Variants in WSCD1 observed in about 807,000 individuals in gnomAD.
WSCD1 encodes sialate:O-sulfotransferase 1.
A neutral mutation model predicts 60.4 loss-of-function variants in WSCD1; 41 were observed. That is an observed-to-expected ratio of 0.68 (90% CI 0.53 to 0.88). The LOEUF (loss-of-function observed/expected upper bound fraction) is 0.88. WSCD1 is among the 40% of genes least tolerant of loss of function. The pLI, the probability that WSCD1 is intolerant of heterozygous loss-of-function variation, is 0.00. For synonymous variants in WSCD1, 361 were observed against 332.5 expected, an observed-to-expected ratio of 1.09 and a Z score of -0.93; for missense variants, 784 against 796.2, an observed-to-expected ratio of 0.98 and a Z score of 0.18.
intron 2 of WSCD1, among the ~76,000 whole-genome samples, chr17:6,082,600 G>A (rs762700038): frequency 1.7e-4 from 26 of 152,224 alleles, no homozygotes; most frequent in Non-Finnish European, 3.5e-4. Flanking sequence ...CTCCCAGTAA[G>A]CGTGGAAGTT....
At chr17:6,085,527 C>G (rs7405465) in intron 2 of WSCD1, among the ~76,000 whole-genome samples, 117,643 of 152,022 alleles carry the variant, frequency 0.77, 46,219 homozygotes, top group East Asian at 0.95. Flanking sequence ...CACATCCCAG[C>G]TTGCACAGCC....
rs914304137 is a variant in WSCD1 at position 6,121,754 on chromosome 17, C to T, written c.*1093C>T. The T allele has an allele frequency of 5.0e-5, 3 of 60,178 alleles. No individual in the cohort carries two copies. Among genetic ancestry groups the T allele is most frequent in the Non-Finnish European group, 1.0e-4 (3 of 29,612 alleles). The allele number at this position is 60,178 out of a possible 1,614,324, so 3.7% of individuals were successfully genotyped here. On this transcript the variant is annotated 3_prime_UTR_variant, in exon 9 of 9. Transcript: ENST00000317744. ...GGGTCCCACACTGGGGTCATGAGAGCTAGTTAGTACTCAGCCTGACCCCTA... is the reference window on the plus strand; with the variant it reads ...GGGTCCCACACTGGGGTCATGAGAGTTAGTTAGTACTCAGCCTGACCCCTA...
intron 4 of WSCD1, among the ~76,000 whole-genome samples, chr17:6,094,636 C>T (rs144132316): frequency 0.011 from 1,265 of 117,864 alleles, 13 homozygotes; most frequent in Non-Finnish European, 0.017. Flanking sequence ...GTAGGCAGGC[C>T]GGCAGGAAGG....
In WSCD1 at chr17:6,085,517, C is replaced by T. The variant is rs60016863; in HGVS notation, c.428-2473C>T. Reference sequence around the variant, plus strand: ...GTTGAGGCTCAGAGAGAGGCAGCTGCACATCCCAGCTTGCACAGCCAGATA... The same window carrying T: ...GTTGAGGCTCAGAGAGAGGCAGCTGTACATCCCAGCTTGCACAGCCAGATA... On this transcript the variant is annotated intron_variant, in intron 2 of 8. Transcript: ENST00000317744. Among the ~76,000 whole-genome samples the T allele has an allele frequency of 7.3e-3, 1,118 of 152,230 alleles. 44 individuals carry two copies. In the East Asian group the frequency reaches 0.13, roughly 17 times the overall value.
At chr17:6,086,150 A>T (rs2150537394) in intron 2 of WSCD1, among the ~76,000 whole-genome samples, 1 of 150,496 alleles carries the variant, frequency 6.6e-6, no homozygotes, top group East Asian at 2.0e-4. Flanking sequence ...TGTGGTGGGG[A>T]GTCCTGTCTC....
At position 6,124,121 on chromosome 17, in the gene WSCD1, G is replaced by T. The variant is rs1337979420; in HGVS notation, c.*3460G>T. 1.3e-5 allele frequency: 2 copies of T among 152,242 alleles called. No homozygotes were observed. Among genetic ancestry groups the T allele is most frequent in the African/African-American group, 4.8e-5 (2 of 41,462 alleles). 9.4% of individuals were successfully genotyped at this position (152,242 alleles called of 1,614,324 possible). A position where few individuals can be genotyped will look rare whatever the true frequency, so the allele number is the denominator to read the frequency against. ...GACTGGGTTAGGTATGATCTTGTGA[G>T]TTAAGACAATGAAGCCAGAGGGAAT... On this transcript the variant is annotated 3_prime_UTR_variant, in exon 9 of 9. Coordinates refer to ENST00000317744, the MANE Select transcript of WSCD1 (RefSeq NM_015253.2).
At position 6,086,250 on chromosome 17, in the gene WSCD1, C is replaced by CATGTATATATATATATAT. The variant is rs1909633252; in HGVS notation, c.428-1738_428-1737insGTATATATATATATATAT. The stretch of plus-strand genomic sequence containing the variant: ...GCAGTCAGTAAGACCGTCCTGACTT[C>CATGTATATATATATATAT]ATATATATATATATATATATATATA... On this transcript the variant is annotated intron_variant, in intron 2 of 8. Coordinates refer to ENST00000317744, the MANE Select transcript of WSCD1 (RefSeq NM_015253.2). Among the ~76,000 whole-genome samples the CATGTATATATATATATAT allele has an allele frequency of 3.1e-5, 3 of 98,234 alleles. No homozygotes were observed. The South Asian group carries it at 1.0e-3, about 33-fold the overall frequency. 64.4% of individuals were successfully genotyped at this position (98,234 alleles called of 152,430 possible).
chr17:6,078,592 G>GTGCA (rs1402941894), intron 1 of WSCD1, among the ~76,000 whole-genome samples: 1 of 152,124 alleles, frequency 6.6e-6, no homozygotes, highest in Non-Finnish European at 1.5e-5. Flanking sequence ...GTGTGTGTGC[G>GTGCA]TGCATGCATG....
intron 7 of WSCD1, among the ~76,000 whole-genome samples, chr17:6,114,177 TAAATG>T (rs1911572617): frequency 7.0e-6 from 1 of 142,726 alleles, no homozygotes; most frequent in African/African-American, 2.6e-5. Context: ...AAAAAAGAAT[TAAATG>T]CTGTAATTCA....
rs115359806 is a variant in WSCD1 at position 6,078,723 on chromosome 17, C to A, written c.-288-1648C>A. On this transcript the variant is annotated intron_variant, in intron 1 of 8. Coordinates refer to ENST00000317744, the MANE Select transcript of WSCD1 (RefSeq NM_015253.2). ...AAGGAGCTTAGAGTTTATCCAGTAA[C>A]CACAGGGGGCTATTGAACGGGGTTT... Among the ~76,000 whole-genome samples the A allele has an allele frequency of 5.9e-3, 901 of 152,172 alleles. 9 individuals carry two copies. The highest frequency in any genetic ancestry group is 0.02 in the African/African-American group (822 of 41,504).
rs1367526833 is a variant in WSCD1 at position 6,101,475 on chromosome 17, C to A, written c.849+6252C>A. ...AGGGGGTTCCTTGTAGTGCCCCCAC[C>A]TTTGAGCACCATCTGAGGCTTATTT... On this transcript the variant is annotated intron_variant, in intron 5 of 8. Transcript: ENST00000317744. This position sits in a 1 kb window ranked among gnomAD's most constrained non-coding sequence, Gnocchi z 4.1. Among the ~76,000 whole-genome samples, 1 of 152,072 alleles carries A rather than the reference C, an allele frequency of 6.6e-6. No individual in the cohort carries two copies. Among genetic ancestry groups the A allele is most frequent in the Non-Finnish European group, 1.5e-5 (1 of 68,026 alleles).
intron 7 of WSCD1, among the ~76,000 whole-genome samples, chr17:6,115,818 A>T (rs1335811891): frequency 6.6e-6 from 1 of 150,918 alleles, no homozygotes; most frequent in Non-Finnish European, 1.5e-5. Context: ...CTAGTCTCAA[A>T]CTCCTGACCT....
rs945524501 is a variant in WSCD1, at chr17:6,124,191, CT to C, written c.*3531del. On this transcript the variant is annotated 3_prime_UTR_variant, in exon 9 of 9. Transcript: ENST00000317744. ...CTGGGTAGAAGCTGTTTTAATTCCC[CT>C]GTTGAATGTGAAAAAGGTAGTAGTA... is the stretch of plus-strand genomic sequence containing the variant. The C allele has an allele frequency of 3.3e-5, 5 of 152,160 alleles. No individual in the cohort carries two copies. The highest frequency in any genetic ancestry group is 5.9e-5 in the Non-Finnish European group (4 of 68,040). The allele number at this position is 152,160 out of a possible 1,614,324, so 9.4% of individuals were successfully genotyped here.
chr17:6,104,662 A>G (rs1910986701), intron 5 of WSCD1, among the ~76,000 whole-genome samples: 1 of 152,216 alleles, frequency 6.6e-6, no homozygotes, highest in African/African-American at 2.4e-5. Context: ...TACCTTGAAT[A>G]TCCAGATCTG....
intron 2 of WSCD1, among the ~76,000 whole-genome samples, chr17:6,083,524 CG>C (rs1909415161): frequency 6.6e-6 from 1 of 152,188 alleles, no homozygotes; most frequent in Non-Finnish European, 1.5e-5. Context: ...GGATTACAGG[CG>C]TGAGCCACCA....
At chr17:6,091,966 C>T (rs548115285) in intron 4 of WSCD1, among the ~76,000 whole-genome samples, 4 of 152,164 alleles carry the variant, frequency 2.6e-5, no homozygotes, top group South Asian at 2.1e-4. Context: ...ACCAGCCTGA[C>T]CAACATGGTG....
intron 1 of WSCD1, among the ~76,000 whole-genome samples, chr17:6,073,958 C>T (rs972003859): frequency 1.3e-5 from 2 of 152,312 alleles, no homozygotes; most frequent in Non-Finnish European, 1.5e-5. Flanking sequence ...ATGATGGGGA[C>T]GATAATGATT....
chr17:6,083,916 C>G (rs1909449661), intron 2 of WSCD1, among the ~76,000 whole-genome samples: 1 of 152,170 alleles, frequency 6.6e-6, no homozygotes. Flanking sequence ...TAATGACTTA[C>G]AGAAGTGATG....
At chr17:6,109,201 T>C (rs1380731577) in intron 5 of WSCD1, among the ~76,000 whole-genome samples, 3 of 152,144 alleles carry the variant, frequency 2.0e-5, no homozygotes, top group Non-Finnish European at 4.4e-5. Context: ...CATCCACTCA[T>C]ATGGATGCCC....
Sources: allele counts gnomAD v4.1 joint callset (sites outside exome capture counted in the v4.1 genomes callset), GRCh38; gene constraint gnomAD v4.1.1; non-coding constraint Gnocchi (gnomAD v3.1); transcripts MANE v1.5; gene names NCBI Gene and HGNC (gene_info 2026-07-23, HGNC 2026-07-21).